Variants in HMGA2 observed in about 807,000 individuals in gnomAD.
HMGA2 encodes high mobility group protein HMGI-C.
HMGA2 carries 8 observed loss-of-function variants against 19.1 expected under a neutral mutation model. That is an observed-to-expected ratio of 0.42 (90% CI 0.25 to 0.76). The LOEUF (loss-of-function observed/expected upper bound fraction) is 0.76, where lower values mean the gene tolerates loss of function less well. HMGA2 is among the 30% of genes least tolerant of loss of function. The probability of loss-of-function intolerance (pLI) is 0.28; values close to 1 mark genes in which losing one functional copy is unlikely to be tolerated. For synonymous variants in HMGA2, 60 were observed against 48.8 expected, an observed-to-expected ratio of 1.23 and a Z score of -0.96; for missense variants, 109 against 136.3, an observed-to-expected ratio of 0.80 and a Z score of 1.00.
chr12:65,893,151 C>T (rs980907345), intron 3 of HMGA2, among the ~76,000 whole-genome samples: 3 of 152,152 alleles, frequency 2.0e-5, no homozygotes, highest in African/African-American at 7.2e-5. Flanking sequence ...GAGACAAGGT[C>T]CTGCATGAAG....
intron 3 of HMGA2, chr12:65,882,031 T>A: frequency 1.5e-6 from 1 of 652,982 alleles, no homozygotes; most frequent in South Asian, 1.6e-5. Flanking sequence ...TGTGGAGTTT[T>A]ACCTCCCAGT....
intron 3 of HMGA2, among the ~76,000 whole-genome samples, chr12:65,902,874 T>C (rs988224297): frequency 6.6e-6 from 1 of 152,124 alleles, no homozygotes; most frequent in African/African-American, 2.4e-5. Context: ...ATACAAAATA[T>C]CAATGTACTA....
chr12:65,902,719 AG>A (rs1874423660), intron 3 of HMGA2, among the ~76,000 whole-genome samples: 1 of 152,196 alleles, frequency 6.6e-6, no homozygotes, highest in South Asian at 2.1e-4. Flanking sequence ...TTTTACATTC[AG>A]AAGAAAGTAG....
chr12:65,908,537 T>C (rs551367846), intron 3 of HMGA2, among the ~76,000 whole-genome samples: 3 of 152,338 alleles, frequency 2.0e-5, no homozygotes, highest in African/African-American at 7.2e-5. Flanking sequence ...ATGAGTTTCA[T>C]ATGTCTCCAG....
chr12:65,843,467 T>C (rs1462290201), intron 3 of HMGA2: 1 of 194,890 alleles, frequency 5.1e-6, no homozygotes, highest in African/African-American at 2.3e-5. Context: ...GAAATTTAAG[T>C]GATGATTTGA....
intron 3 of HMGA2, among the ~76,000 whole-genome samples, chr12:65,891,425 C>T (rs888018387): frequency 6.6e-6 from 1 of 152,202 alleles, no homozygotes; most frequent in Admixed American, 6.5e-5. Flanking sequence ...TTCCTCCACA[C>T]ACTCTCCCAG....
At chr12:65,936,223 T>TC (rs1384024229) in intron 3 of HMGA2, among the ~76,000 whole-genome samples, 1 of 151,858 alleles carries the variant, frequency 6.6e-6, no homozygotes, top group Non-Finnish European at 1.5e-5. Context: ...TTTTTTTTTT[T>TC]TTTGGCCTTA....
intron 3 of HMGA2, among the ~76,000 whole-genome samples, chr12:65,901,328 G>A (rs1874363328): frequency 1.3e-5 from 2 of 152,150 alleles, no homozygotes; most frequent in Non-Finnish European, 2.9e-5. Flanking sequence ...GTTTAACAAA[G>A]AAGTCACTCA....
At chr12:65,855,699 AGATGATGAT>A (rs3048830) in intron 3 of HMGA2, among the ~76,000 whole-genome samples, 35 of 148,652 alleles carry the variant, frequency 2.4e-4, no homozygotes, top group African/African-American at 5.0e-4. Context: ...ACCAGAACAC[AGATGATGAT>A]GATGATGATG....
intron 4 of HMGA2, among the ~76,000 whole-genome samples, chr12:65,961,480 G>T (rs921110436): frequency 6.6e-6 from 1 of 152,132 alleles, no homozygotes; most frequent in African/African-American, 2.4e-5. Flanking sequence ...CAGTTTGGGG[G>T]TTGGGAGTTA....
At chr12:65,908,704 T>G (rs535907713) in intron 3 of HMGA2, among the ~76,000 whole-genome samples, 1 of 152,336 alleles carries the variant, frequency 6.6e-6, no homozygotes, top group Admixed American at 6.5e-5. Flanking sequence ...ACTTAATAGA[T>G]GCCTATGTTT....
intron 4 of HMGA2, chr12:65,952,413 T>C: frequency 6.5e-7 from 1 of 1,534,688 alleles, no homozygotes; most frequent in African/African-American, 1.4e-5. Context: ...TCTACTGTTC[T>C]CTAAAAATGC....
At chr12:65,894,633 T>C (rs909988915) in intron 3 of HMGA2, among the ~76,000 whole-genome samples, 1 of 152,246 alleles carries the variant, frequency 6.6e-6, no homozygotes, top group Admixed American at 6.5e-5. Context: ...CAATTGCTTT[T>C]CAAGCCATCT....
At chr12:65,881,731 A>T in intron 3 of HMGA2, 1 of 703,064 alleles carries the variant, frequency 1.4e-6, no homozygotes, top group Non-Finnish European at 2.6e-6. Context: ...CTCCGCACAC[A>T]TTCCCTCCCA....
chr12:65,843,717 A>C lies in HMGA2; in HGVS notation c.249+5148A>C, dbSNP rs1019134467. ...ACACACAAGCACACACACACACACA[A>C]AACAAAAACTTTTAGCTGTTTGTAA... On this transcript the variant is annotated intron_variant, in intron 3 of 4. Coordinates refer to ENST00000403681, the MANE Select transcript of HMGA2 (RefSeq NM_003483.6). Among the ~76,000 whole-genome samples, 16 of 151,798 alleles carry C rather than the reference A, an allele frequency of 1.1e-4. No homozygotes were observed. In the East Asian group the frequency reaches 2.1e-3, roughly 20 times the overall value.
intron 3 of HMGA2, among the ~76,000 whole-genome samples, chr12:65,875,412 T>C (rs1041602553): frequency 6.6e-6 from 1 of 151,896 alleles, no homozygotes; most frequent in African/African-American, 2.4e-5. Flanking sequence ...TTTTCATATA[T>C]TCAGTTTTGT....
chr12:65,824,763 C>G lies in HMGA2; in HGVS notation c.-508C>G. 1 of 215,914 alleles carries G rather than the reference C, an allele frequency of 4.6e-6. No homozygotes were observed. Among genetic ancestry groups the G allele is most frequent in the African/African-American group, 2.4e-5 (1 of 41,836 alleles). The allele number at this position is 215,914 out of a possible 1,614,324, so 13.4% of individuals were successfully genotyped here. A position where few individuals can be genotyped will look rare whatever the true frequency, so the allele number is the denominator to read the frequency against. ...TCTCTCTCTCTCTCTCTCTCTCTCT[C>G]TCTCTCGCAGGGTGGGGGGAAGAGG... On this transcript the variant is annotated 5_prime_UTR_variant, in exon 1 of 5. Transcript: ENST00000403681.
intron 4 of HMGA2, among the ~76,000 whole-genome samples, chr12:65,961,381 T>C (rs1419232804): frequency 1.3e-5 from 2 of 152,200 alleles, no homozygotes; most frequent in Non-Finnish European, 2.9e-5. Context: ...CATCCTCCTT[T>C]GTGGCCAGGG....
intron 3 of HMGA2, among the ~76,000 whole-genome samples, chr12:65,888,799 G>A (rs1356917477): frequency 2.7e-5 from 4 of 150,352 alleles, no homozygotes; most frequent in African/African-American, 9.8e-5. Flanking sequence ...TCCTGACCTC[G>A]TGATCCGCCC....
Sources: gnomAD v4.1 joint callset for allele counts (sites outside exome capture counted in the v4.1 genomes callset) on GRCh38, gnomAD v4.1.1 for gene constraint, MANE v1.5 for transcripts, NCBI Gene and HGNC (gene_info 2026-07-23, HGNC 2026-07-21) for gene names.